TM9SF3: variants seen among roughly 807,000 people sequenced by gnomAD.
TM9SF3 encodes SM-11044-binding protein.
TM9SF3 carries 14 observed loss-of-function variants against 78.6 expected under a neutral mutation model. The ratio of observed to expected loss-of-function variants is 0.18; its 90% confidence interval spans 0.12 to 0.28. TM9SF3 has a LOEUF of 0.28. TM9SF3 is among the 10% of genes least tolerant of loss of function. The pLI is 1.00. For synonymous variants in TM9SF3, 231 were observed against 241.7 expected (o/e 0.96, Z 0.41); for missense variants, 496 against 721.9 (o/e 0.69, Z 3.59).
intron 8 of TM9SF3, among the ~76,000 whole-genome samples, chr10:96,546,241 T>C (rs933860770): frequency 3.3e-5 from 5 of 152,164 alleles, no homozygotes; most frequent in African/African-American, 4.8e-5. Context: ...TCGGACAAAA[T>C]ATCAGGACAC....
chr10:96,525,416 C>G (rs1847826961), intron 14 of TM9SF3, among the ~76,000 whole-genome samples: 1 of 152,004 alleles, frequency 6.6e-6, no homozygotes, highest in Non-Finnish European at 1.5e-5. Context: ...TGGAATGTTT[C>G]ATTCACTACT....
At chr10:96,546,633 C>G (rs1051070246) in intron 8 of TM9SF3, among the ~76,000 whole-genome samples, 1 of 152,094 alleles carries the variant, frequency 6.6e-6, no homozygotes, top group Non-Finnish European at 1.5e-5. Flanking sequence ...AGAGACTGAA[C>G]ATCTACCTAA....
intron 10 of TM9SF3, among the ~76,000 whole-genome samples, chr10:96,532,589 G>A (rs1298702293): frequency 6.6e-6 from 1 of 152,032 alleles, no homozygotes; most frequent in African/African-American, 2.4e-5. Context: ...TAAAATATCT[G>A]GAAAGATAGT....
chr10:96,565,521 G>C, intron 2 of TM9SF3, 95 bp from the exon 3 acceptor site: 1 of 1,390,754 alleles, frequency 7.2e-7, no homozygotes, highest in Admixed American at 2.8e-5. Flanking sequence ...ATTTCCTACA[G>C]TTAAAATTTC....
At chr10:96,564,227 G>A (rs1848344544) in intron 3 of TM9SF3, among the ~76,000 whole-genome samples, 1 of 151,956 alleles carries the variant, frequency 6.6e-6, no homozygotes, top group South Asian at 2.1e-4. Flanking sequence ...AGGAGTCTGA[G>A]GCTACAATGA....
chr10:96,576,493 G>C, intron 2 of TM9SF3, 141 bp downstream of exon 2: 1 of 756,652 alleles, frequency 1.3e-6, no homozygotes. Flanking sequence ...TACAGGCCAG[G>C]GACTCTGCTA....
Position 96,583,347 on chromosome 10 carries a change from T to C in TM9SF3, c.102+3387A>G, listed in dbSNP as rs113656488. Among the ~76,000 whole-genome samples the C allele has an allele frequency of 7.9e-3, 1,206 of 152,346 alleles. 20 individuals carry two copies. Among genetic ancestry groups the C allele is most frequent in the African/African-American group, 0.028 (1,155 of 41,572 alleles). ...TGAAAACAAGCTCTCACACAGTCTT[T>C]TGTGACTATTCAGGGCACGTGCCCA... On this transcript the variant is annotated intron_variant, in intron 1 of 14. Transcript: ENST00000371142.
intron 2 of TM9SF3, among the ~76,000 whole-genome samples, chr10:96,569,568 C>T (rs1460248676): frequency 6.6e-6 from 1 of 152,212 alleles, no homozygotes; most frequent in Non-Finnish European, 1.5e-5. Context: ...AATTTGGCAA[C>T]ATGTGTCAAC....
intron 2 of TM9SF3, among the ~76,000 whole-genome samples, chr10:96,572,007 CATACT>C (rs1294991148): frequency 6.6e-6 from 1 of 152,148 alleles, no homozygotes; most frequent in Non-Finnish European, 1.5e-5. Flanking sequence ...TTATTAAAAG[CATACT>C]ATGTCTTAAC....
In TM9SF3 at chr10:96,522,200, G is replaced by T; in HGVS notation, c.*63C>A. The T allele has an allele frequency of 7.2e-7, 1 of 1,383,202 alleles. No homozygotes were observed. Among genetic ancestry groups the T allele is most frequent in the Non-Finnish European group, 1.0e-6 (1 of 995,188 alleles). The allele number at this position is 1,383,202 out of a possible 1,614,324, so 85.7% of individuals were successfully genotyped here. A position where few individuals can be genotyped will look rare whatever the true frequency, so the allele number is the denominator to read the frequency against. ...TCTCTTCTTGCGTTTGTTTGTTTTT[G>T]CTGTGCAAGTTCCACCCCTATGAAA... is the stretch of plus-strand genomic sequence containing the variant. On this transcript the variant is annotated 3_prime_UTR_variant, in exon 15 of 15. Transcript: ENST00000371142.
rs1229438051 is a variant in TM9SF3 at position 96,568,559 on chromosome 10, A to G, written c.299-3133T>C. The stretch of plus-strand genomic sequence containing the variant: ...TAAAACTCCAGGCTAACAATTGAAT[A>G]GGCAGTGAAAGCACTGAGAAAAGAA... On this transcript the variant is annotated intron_variant, in intron 2 of 14. Transcript: ENST00000371142. 3.3e-5 allele frequency among the ~76,000 whole-genome samples: 5 copies of G among 152,236 alleles called. No homozygotes were observed. In the East Asian group the frequency reaches 9.6e-4, roughly 29 times the overall value.
chr10:96,562,367 G>A (rs948905902), intron 3 of TM9SF3, among the ~76,000 whole-genome samples: 25 of 151,878 alleles, frequency 1.6e-4, no homozygotes, highest in African/African-American at 9.7e-5. Flanking sequence ...CTGCAGAACC[G>A]TGAGCCAATT....
At chr10:96,579,363 T>G (rs1848534619) in intron 1 of TM9SF3, among the ~76,000 whole-genome samples, 1 of 152,248 alleles carries the variant, frequency 6.6e-6, no homozygotes, top group African/African-American at 2.4e-5. Context: ...ATGTAACTTG[T>G]GAAAATAAGC....
chr10:96,563,955 C>T (rs570741498), intron 3 of TM9SF3, among the ~76,000 whole-genome samples: 1 of 152,034 alleles, frequency 6.6e-6, no homozygotes, highest in Non-Finnish European at 1.5e-5. Context: ...CAGGAAAGCA[C>T]AGTTGCCACT....
intron 1 of TM9SF3, 80 bp downstream of exon 1, chr10:96,586,654 A>C (rs11188836): frequency 1 from 1,148,116 of 1,149,720 alleles, 573,275 homozygotes; most frequent in East Asian, 1. Flanking sequence ...GCCGCCGGGC[A>C]CTCCAGGCTG....
At chr10:96,537,170 A>G (rs1454106725) in intron 9 of TM9SF3, among the ~76,000 whole-genome samples, 3 of 152,162 alleles carry the variant, frequency 2.0e-5, no homozygotes, top group Non-Finnish European at 4.4e-5. Context: ...TCAAAAGTCA[A>G]CTGTACTCTC....
At chr10:96,549,895 A>G (rs1043768958) in intron 7 of TM9SF3, among the ~76,000 whole-genome samples, 2 of 151,726 alleles carry the variant, frequency 1.3e-5, no homozygotes, top group African/African-American at 4.8e-5. Flanking sequence ...CTTGGATTCT[A>G]GAAGAGATTA....
At chr10:96,526,678 T>C (rs1413691801) in intron 14 of TM9SF3, among the ~76,000 whole-genome samples, 5 of 152,116 alleles carry the variant, frequency 3.3e-5, no homozygotes, top group Non-Finnish European at 2.9e-5. Flanking sequence ...ATGGTACAGC[T>C]AGAACTTAAG....
intron 2 of TM9SF3, among the ~76,000 whole-genome samples, chr10:96,574,593 A>C (rs1365974050): frequency 6.6e-6 from 1 of 152,220 alleles, no homozygotes; most frequent in East Asian, 1.9e-4. Flanking sequence ...CAAAAATTAT[A>C]AATCATTCTA....
Sources: allele counts gnomAD v4.1 joint callset (sites outside exome capture counted in the v4.1 genomes callset), GRCh38; gene constraint gnomAD v4.1.1; transcripts MANE v1.5; gene names NCBI Gene and HGNC (gene_info 2026-07-23, HGNC 2026-07-21).